Variants in NR3C2 observed in about 807,000 individuals in gnomAD.
The protein encoded by NR3C2 is mineralocorticoid receptor.
A neutral mutation model predicts 86.4 loss-of-function variants in NR3C2; 15 were observed. The ratio of observed to expected loss-of-function variants is 0.17; its 90% CI spans 0.12 to 0.27. The LOEUF (loss-of-function observed/expected upper bound fraction) is 0.27. Among genes scored for constraint, NR3C2 ranks in the 10% least tolerant of loss-of-function variants. The pLI is 1.00. For missense variants in NR3C2, 960 were observed against 1,195.6 expected (o/e 0.80, Z 2.91); for synonymous variants, 458 against 450.5 (o/e 1.02, Z -0.21).
At chr4:148,097,745 TTTTTTG>T (rs1341077096) in intron 8 of NR3C2, among the ~76,000 whole-genome samples, 3 of 113,512 alleles carry the variant, frequency 2.6e-5, no homozygotes, top group African/African-American at 1.7e-4. Context: ...TTTTGCGTTT[TTTTTTG>T]TTTTTTTTTT....
intron 8 of NR3C2, among the ~76,000 whole-genome samples, chr4:148,094,162 A>G (rs1578874257): frequency 6.6e-6 from 1 of 152,224 alleles, no homozygotes; most frequent in East Asian, 1.9e-4. Flanking sequence ...TTTCACACCC[A>G]TTAGGATGGC....
chr4:148,157,314 C>A (rs1028754595), intron 4 of NR3C2, among the ~76,000 whole-genome samples: 12 of 151,768 alleles, frequency 7.9e-5, no homozygotes, highest in East Asian at 3.9e-4. Flanking sequence ...ATTAAAAAAA[C>A]CCCAAAAATG....
Position 148,259,985 on chromosome 4 carries a change from T to C in NR3C2, c.1890A>G (p.Ala630=), listed in dbSNP as rs1740015514. Residue 630 remains alanine, a synonymous_variant, in exon 3 of 9, where the codon GCA becomes GCG. Transcript: ENST00000358102. ...CGSCKVFFKR[A]VEGQHNYLCA... Reference sequence around the variant, plus strand: ...ACCCACATGAACATTTACCTTCCACTGCTCTTTTGAAGAAAACTTTGCAGC... The same window carrying C: ...ACCCACATGAACATTTACCTTCCACCGCTCTTTTGAAGAAAACTTTGCAGC... 1 of 1,614,150 alleles carries C rather than the reference T, an allele frequency of 6.2e-7. No homozygotes were observed. Among genetic ancestry groups the C allele is most frequent in the Non-Finnish European group, 8.5e-7 (1 of 1,180,012 alleles).
chr4:148,416,385 A>C (rs1642719984), intron 2 of NR3C2, among the ~76,000 whole-genome samples: 1 of 152,166 alleles, frequency 6.6e-6, no homozygotes, highest in South Asian at 2.1e-4. Flanking sequence ...ATTCTAACTA[A>C]CTCAGTCCTT....
rs188755279 is a variant in NR3C2, at chr4:148,390,802, A to G, written c.1757+44302T>C. On this transcript the variant is annotated intron_variant, in intron 2 of 8. Coordinates refer to ENST00000358102, the MANE Select transcript of NR3C2 (RefSeq NM_000901.5). ...CAGGCCCCAAAAATTGTTATAAAAT[A>G]CATGCTTACCTATAAAAGTAAAAAA... is the stretch of plus-strand genomic sequence containing the variant. Among the ~76,000 whole-genome samples, 4 of 152,344 alleles carry G rather than the reference A, an allele frequency of 2.6e-5. No individual in the cohort carries two copies. The East Asian group carries it at 7.7e-4, about 29-fold the overall frequency.
chr4:148,416,765 T>G (rs1212507687), intron 2 of NR3C2, among the ~76,000 whole-genome samples: 1 of 152,172 alleles, frequency 6.6e-6, no homozygotes, highest in Admixed American at 6.5e-5. Flanking sequence ...ACACTCCATA[T>G]GTATTTGCTT....
At chr4:148,303,509 C>T (rs966081148) in intron 2 of NR3C2, among the ~76,000 whole-genome samples, 1 of 152,158 alleles carries the variant, frequency 6.6e-6, no homozygotes, top group African/African-American at 2.4e-5. Context: ...CACCAGTTAT[C>T]TGGGCGTGTC....
At chr4:148,210,480 T>C (rs563144246) in intron 3 of NR3C2, among the ~76,000 whole-genome samples, 2 of 152,284 alleles carry the variant, frequency 1.3e-5, no homozygotes, top group South Asian at 4.1e-4. Flanking sequence ...CAGGAGCCAT[T>C]GCACCCAGCC....
chr4:148,360,468 T>C (rs1745783999), intron 2 of NR3C2, among the ~76,000 whole-genome samples: 1 of 152,208 alleles, frequency 6.6e-6, no homozygotes, highest in Admixed American at 6.5e-5. Flanking sequence ...GCTCTTACGG[T>C]AAAGCTAAAG....
chr4:148,220,845 C>T lies in NR3C2; in HGVS notation c.1898-25983G>A, dbSNP rs149412993. ...TTTCCATATGCCAAAGTCAATCAAC[C>T]AATCTCTAAAAATCAAATGAAAGCT... On this transcript the variant is annotated intron_variant, in intron 3 of 8. Transcript: ENST00000358102. Among the ~76,000 whole-genome samples the T allele has an allele frequency of 2.9e-3, 443 of 152,256 alleles. 2 individuals carry two copies. Among genetic ancestry groups the T allele is most frequent in the African/African-American group, 0.01 (420 of 41,556 alleles).
At chr4:148,130,204 A>G (rs890479922) in intron 6 of NR3C2, among the ~76,000 whole-genome samples, 3 of 152,308 alleles carry the variant, frequency 2.0e-5, no homozygotes, top group Admixed American at 1.3e-4. Flanking sequence ...GGTACCCTAA[A>G]GGGGAAGAAA....
rs111830321 is a variant in NR3C2, at chr4:148,128,965, T to C, written c.2511-8677A>G. 2.0e-3 allele frequency among the ~76,000 whole-genome samples: 312 copies of C among 152,354 alleles called. 3 individuals are homozygous for C. The highest frequency in any genetic ancestry group is 7.2e-3 in the African/African-American group (301 of 41,588). ...TACTCATCATTCTTATTAAGACTCA[T>C]GTGATACATGGACCTTGAACTTTAG... On this transcript the variant is annotated intron_variant, in intron 6 of 8. Coordinates refer to ENST00000358102, the MANE Select transcript of NR3C2 (RefSeq NM_000901.5).
chr4:148,130,217 T>C (rs1036292266), intron 6 of NR3C2, among the ~76,000 whole-genome samples: 2 of 152,110 alleles, frequency 1.3e-5, no homozygotes, highest in African/African-American at 4.8e-5. Flanking sequence ...GGAAGAAAAA[T>C]AGAACTACCT....
chr4:148,296,837 A>G (rs989674228), intron 2 of NR3C2, among the ~76,000 whole-genome samples: 42 of 152,366 alleles, frequency 2.8e-4, no homozygotes, highest in African/African-American at 1.0e-3. Context: ...AATTTAAGAG[A>G]CATTAAAAGC....
intron 2 of NR3C2, among the ~76,000 whole-genome samples, chr4:148,400,726 T>A (rs1195640940): frequency 7.4e-6 from 1 of 134,460 alleles, no homozygotes; most frequent in East Asian, 2.2e-4. Context: ...TGTGGTGAGC[T>A]GAGATCCATG....
At chr4:148,254,522 A>T (rs1025577200) in intron 3 of NR3C2, among the ~76,000 whole-genome samples, 1 of 152,158 alleles carries the variant, frequency 6.6e-6, no homozygotes, top group Non-Finnish European at 1.5e-5. Flanking sequence ...ATGTGTTCCC[A>T]TAACAACCAA....
At chr4:148,133,222 T>C (rs1261255135) in intron 6 of NR3C2, among the ~76,000 whole-genome samples, 1 of 151,710 alleles carries the variant, frequency 6.6e-6, no homozygotes, top group Non-Finnish European at 1.5e-5. Context: ...AAAAATTCTC[T>C]AGTGAAGTAT....
intron 2 of NR3C2, among the ~76,000 whole-genome samples, chr4:148,353,863 A>G (rs1465951359): frequency 6.6e-6 from 1 of 152,152 alleles, no homozygotes; most frequent in Non-Finnish European, 1.5e-5. Context: ...CACATAAATA[A>G]GAAACCATTC....
At chr4:148,442,925 G>T, upstream of NR3C2, 1 of 985,330 alleles carries the variant, frequency 1.0e-6, no homozygotes, top group South Asian at 4.7e-5. Flanking sequence ...CGCGAGCAAA[G>T]TGTCGTCCCC....
Sources: gnomAD v4.1 joint callset for allele counts (sites outside exome capture counted in the v4.1 genomes callset) on GRCh38, gnomAD v4.1.1 for gene constraint, MANE v1.5 for transcripts, NCBI Gene and HGNC (gene_info 2026-07-23, HGNC 2026-07-21) for gene names.